PIP5K1B: variants seen among roughly 807,000 people sequenced by gnomAD.
PIP5K1B encodes phosphatidylinositol 4-phosphate 5-kinase type-1 beta.
Under a neutral mutation model 67.0 loss-of-function variants are expected in PIP5K1B, and 42 were observed. That is an observed-to-expected ratio of 0.63 (90% CI 0.49 to 0.81). PIP5K1B has a LOEUF of 0.81. PIP5K1B is among the 30% of genes least tolerant of loss of function. The pLI is 0.00. For synonymous variants in PIP5K1B, 214 were observed against 231.4 expected (o/e 0.92, Z 0.68); for missense variants, 459 against 646.3 (o/e 0.71, Z 3.14).
intron 1 of PIP5K1B, chr9:68,727,687 A>C (rs1828221009): frequency 1.3e-5 from 2 of 152,190 alleles, no homozygotes; most frequent in Non-Finnish European, 2.9e-5. Flanking sequence ...AGAGGAGGTA[A>C]GGAGACGTAG....
intron 14 of PIP5K1B, among the ~76,000 whole-genome samples, chr9:68,952,806 T>TCTGCCTGC (rs199807963): frequency 5.3e-5 from 8 of 151,428 alleles, no homozygotes; most frequent in Non-Finnish European, 1.0e-4. Context: ...TGTCTGCCTG[T>TCTGCCTGC]CTGCCTGCCT....
At chr9:68,719,244 C>CT (rs1827771894) in intron 1 of PIP5K1B, among the ~76,000 whole-genome samples, 1 of 152,182 alleles carries the variant, frequency 6.6e-6, no homozygotes, top group South Asian at 2.1e-4. Context: ...ATTTCATAGA[C>CT]TTTTTCATTT....
At chr9:68,721,964 T>C (rs1403824187) in intron 1 of PIP5K1B, among the ~76,000 whole-genome samples, 1 of 152,176 alleles carries the variant, frequency 6.6e-6, no homozygotes, top group Non-Finnish European at 1.5e-5. Flanking sequence ...ATGTACAGCC[T>C]ACTGTTTCGG....
At chr9:68,888,807 A>C (rs915315985) in intron 6 of PIP5K1B, among the ~76,000 whole-genome samples, 174 bp from the exon 7 acceptor site, 1 of 151,996 alleles carries the variant, frequency 6.6e-6, no homozygotes, top group African/African-American at 2.4e-5. Context: ...AGACCAATTA[A>C]ATCTTTAGAA....
intron 4 of PIP5K1B, among the ~76,000 whole-genome samples, chr9:68,858,329 C>T (rs1822888457): frequency 6.6e-6 from 1 of 152,118 alleles, no homozygotes; most frequent in African/African-American, 2.4e-5. Context: ...TAGTCTAAGG[C>T]ACCTTGTCAG....
intron 7 of PIP5K1B, 86 bp downstream of exon 7, chr9:68,889,219 T>C: frequency 1.1e-6 from 1 of 948,572 alleles, no homozygotes; most frequent in Non-Finnish European, 1.6e-6. Context: ...TTTCAGTGAC[T>C]CAGGCATGTT....
At chr9:68,862,868 T>C (rs1327198995) in intron 4 of PIP5K1B, among the ~76,000 whole-genome samples, 1 of 151,210 alleles carries the variant, frequency 6.6e-6, no homozygotes, top group East Asian at 1.9e-4. Flanking sequence ...TATTCTATCA[T>C]AGAAATCAAG....
chr9:68,932,065 C>T (rs532564769), intron 12 of PIP5K1B, among the ~76,000 whole-genome samples: 25 of 152,276 alleles, frequency 1.6e-4, no homozygotes, highest in Non-Finnish European at 2.6e-4. Context: ...CCTCATTATA[C>T]GTGATGCTGA....
chr9:68,993,562 T>TA lies in PIP5K1B; in HGVS notation c.1620+2313dup, dbSNP rs996245882. Among the ~76,000 whole-genome samples, 12 of 151,962 alleles carry TA rather than the reference T, an allele frequency of 7.9e-5. 1 individual carries two copies. The South Asian group carries it at 1.7e-3, about 21-fold the overall frequency. Reference sequence around the variant, plus strand: ...CTCCACCCTACCATTGCCCCCGCTTTAAAAAAAATAAGATTGTAGCAGATC... The same window carrying TA: ...CTCCACCCTACCATTGCCCCCGCTTTAAAAAAAAATAAGATTGTAGCAGATC... On this transcript the variant is annotated intron_variant, in intron 15 of 15. Transcript: ENST00000265382.
At chr9:68,839,169 C>G (rs1248131228) in intron 4 of PIP5K1B, among the ~76,000 whole-genome samples, 1 of 152,124 alleles carries the variant, frequency 6.6e-6, no homozygotes, top group African/African-American at 2.4e-5. Flanking sequence ...AAAGTCTGTG[C>G]TTTTTCATCT....
At chr9:68,813,920 C>A (rs1330732842) in intron 2 of PIP5K1B, among the ~76,000 whole-genome samples, 1 of 152,200 alleles carries the variant, frequency 6.6e-6, no homozygotes, top group East Asian at 1.9e-4. Context: ...GAAAATAAAT[C>A]TCTGTCATTT....
intron 2 of PIP5K1B, among the ~76,000 whole-genome samples, chr9:68,749,689 G>A (rs77178296): frequency 0.011 from 1,660 of 152,244 alleles, 21 homozygotes; most frequent in Middle Eastern, 0.034. Context: ...TTTGAGAGCA[G>A]GGCTTCTCAA....
At chr9:68,887,390 A>G (rs1158751684) in intron 6 of PIP5K1B, among the ~76,000 whole-genome samples, 2 of 152,194 alleles carry the variant, frequency 1.3e-5, no homozygotes, top group Non-Finnish European at 2.9e-5. Context: ...TGTTGAGAGT[A>G]TGCAGCACTT....
intron 1 of PIP5K1B, among the ~76,000 whole-genome samples, chr9:68,731,728 C>T (rs553136070): frequency 1.3e-5 from 2 of 152,242 alleles, no homozygotes; most frequent in South Asian, 4.1e-4. Context: ...CAAATTAAGC[C>T]TTTGAGGTTA....
intron 15 of PIP5K1B, among the ~76,000 whole-genome samples, chr9:69,001,206 C>T (rs1258822967): frequency 6.6e-6 from 1 of 152,078 alleles, no homozygotes; most frequent in Non-Finnish European, 1.5e-5. Context: ...CACACCCAGC[C>T]TGGGTGTGCA....
chr9:68,938,963 T>G (rs960228159), intron 13 of PIP5K1B, among the ~76,000 whole-genome samples: 1 of 152,238 alleles, frequency 6.6e-6, no homozygotes, highest in Non-Finnish European at 1.5e-5. Context: ...CCCTGAATAA[T>G]CTTCCCTTTG....
At position 68,791,157 on chromosome 9, in the gene PIP5K1B, A is replaced by C. The variant is rs1468337254; in HGVS notation, c.-85-27304A>C. On this transcript the variant is annotated intron_variant, in intron 2 of 15. Transcript: ENST00000265382. ...GTGTTGTGAAAGAATACAATTGAGA[A>C]AGATATTTTGTGCCCCAGCAGAGTA... Among the ~76,000 whole-genome samples the C allele has an allele frequency of 2.0e-5, 3 of 152,196 alleles. No homozygotes were observed. The East Asian group carries it at 5.8e-4, about 29-fold the overall frequency.
intron 11 of PIP5K1B, among the ~76,000 whole-genome samples, chr9:68,922,733 T>C (rs1341544395): frequency 6.6e-6 from 1 of 152,196 alleles, no homozygotes; most frequent in East Asian, 1.9e-4. Flanking sequence ...TCAATTCAAC[T>C]CTATGCAATC....
intron 4 of PIP5K1B, among the ~76,000 whole-genome samples, chr9:68,824,739 T>G (rs574605362): frequency 6.6e-6 from 1 of 152,316 alleles, no homozygotes; most frequent in Admixed American, 6.5e-5. Flanking sequence ...GAGTGTTGTT[T>G]TACTGGCAGG....
Sources: gnomAD v4.1 joint callset for allele counts (sites outside exome capture counted in the v4.1 genomes callset) on GRCh38, gnomAD v4.1.1 for gene constraint, MANE v1.5 for transcripts, NCBI Gene and HGNC (gene_info 2026-07-23, HGNC 2026-07-21) for gene names.